ADAMTS2: variants seen among roughly 807,000 people sequenced by gnomAD.
The protein encoded by ADAMTS2 is ADAM metallopeptidase with thrombospondin type 1 motif 2, also known as A disintegrin and metalloproteinase with thrombospondin motifs 2.
A neutral mutation model predicts 123.0 loss-of-function variants in ADAMTS2; 50 were observed. That is an observed-to-expected ratio of 0.41 (90% CI 0.32 to 0.51). The LOEUF (loss-of-function observed/expected upper bound fraction) is 0.51. Ranked by LOEUF, ADAMTS2 falls within the 20% of genes least tolerant of loss-of-function variation. The pLI is 0.35. For missense variants in ADAMTS2, 1,494 were observed against 1,705.2 expected, an observed-to-expected ratio of 0.88 and a Z score of 2.18; for synonymous variants, 678 against 695.4, an observed-to-expected ratio of 0.98 and a Z score of 0.39.
Position 179,132,400 on chromosome 5 carries a change from G to A in ADAMTS2, c.2210-90C>T. ...GCAAGGAGGGGCCTCGCTCTTGAAG[G>A]CAGCTCCTCCGGAGGCTCTCCCAGG... is the stretch of plus-strand genomic sequence containing the variant. On this transcript the variant is annotated intron_variant, in intron 14 of 21. Coordinates refer to ENST00000251582, the MANE Select transcript of ADAMTS2 (RefSeq NM_014244.5). The surrounding 1 kb of genome is among the most constrained non-coding windows in gnomAD (Gnocchi z 6.1). 1 of 1,298,068 alleles carries A rather than the reference G, an allele frequency of 7.7e-7. No homozygotes were observed. Among genetic ancestry groups the A allele is most frequent in the Non-Finnish European group, 1.1e-6 (1 of 911,148 alleles). 80.4% of individuals were successfully genotyped at this position (1,298,068 alleles called of 1,614,324 possible). A position where few individuals can be genotyped will look rare whatever the true frequency, so the allele number is the denominator to read the frequency against.
rs1756709341 is a variant in ADAMTS2, at chr5:179,307,371, A to G, written c.535-34307T>C. Among the ~76,000 whole-genome samples, 9 of 152,224 alleles carry G rather than the reference A, an allele frequency of 5.9e-5. No homozygotes were observed. The highest frequency in any genetic ancestry group is 3.9e-4 in the Admixed American group (6 of 15,298). On this transcript the variant is annotated intron_variant, in intron 2 of 21. Transcript: ENST00000251582. This position sits in a 1 kb window ranked among gnomAD's most constrained non-coding sequence, Gnocchi z 5.6. The stretch of plus-strand genomic sequence containing the variant: ...CTGGGTGGCCACTGCTCAGCACTCC[A>G]GGACAGCTCCATGACACAGAAGCAG...
chr5:179,210,522 T>C (rs1411137457), intron 3 of ADAMTS2, among the ~76,000 whole-genome samples: 2 of 152,370 alleles, frequency 1.3e-5, no homozygotes, highest in Admixed American at 1.3e-4. Context: ...AATTATGTTC[T>C]AGAGCATCCC....
intron 3 of ADAMTS2, among the ~76,000 whole-genome samples, chr5:179,253,656 AAAG>A (rs1765978954): frequency 6.6e-6 from 1 of 151,490 alleles, no homozygotes; most frequent in African/African-American, 2.4e-5. Context: ...AAAAAAAAAA[AAAG>A]GCATCCCTTT....
chr5:179,326,965 A>G (rs1335188574), intron 2 of ADAMTS2, among the ~76,000 whole-genome samples: 2 of 152,180 alleles, frequency 1.3e-5, no homozygotes, highest in Non-Finnish European at 1.5e-5. Context: ...AGGTGCCTAC[A>G]CAGGGAGTGA....
At chr5:179,138,135 C>A (rs1763098778) in intron 11 of ADAMTS2, among the ~76,000 whole-genome samples, 191 bp from the exon 12 acceptor site, 1 of 152,210 alleles carries the variant, frequency 6.6e-6, no homozygotes, top group Non-Finnish European at 1.5e-5. Flanking sequence ...CCTGTCAGGC[C>A]TCAGAGTGAA....
In ADAMTS2 at chr5:179,132,959, A is replaced by G; in HGVS notation, c.2086-59T>C. On this transcript the variant is annotated intron_variant, in intron 13 of 21. Transcript: ENST00000251582. The surrounding 1 kb of genome is among the most constrained non-coding windows in gnomAD (Gnocchi z 6.1). ...GTCCTGCTAGTAGAGTCAGGGTCAT[A>G]CTATGTTGCCCCCAGTCTCGAACAC... 2 of 1,588,834 alleles carry G rather than the reference A, an allele frequency of 1.3e-6. No homozygotes were observed. The highest frequency in any genetic ancestry group is 1.7e-6 in the Non-Finnish European group (2 of 1,168,534).
At position 179,132,319 on chromosome 5, in the gene ADAMTS2, G is replaced by A. The variant is rs199874212; in HGVS notation, c.2210-9C>T. 6.2e-7 allele frequency: 1 copy of A among 1,613,514 alleles called. No individual in the cohort carries two copies. The highest frequency in any genetic ancestry group is 2.2e-5 in the East Asian group (1 of 44,870). Reference sequence around the variant, plus strand: ...AAACATCTTGATGTAACCTTTTTTTGATGTGGAAAGACACAGAAAACTGAG... The same window carrying A: ...AAACATCTTGATGTAACCTTTTTTTAATGTGGAAAGACACAGAAAACTGAG... On this transcript the variant is annotated splice_polypyrimidine_tract_variant and intron_variant, in intron 14 of 21. Coordinates refer to ENST00000251582, the MANE Select transcript of ADAMTS2 (RefSeq NM_014244.5). This position sits in a 1 kb window ranked among gnomAD's most constrained non-coding sequence, Gnocchi z 6.1.
intron 2 of ADAMTS2, among the ~76,000 whole-genome samples, chr5:179,336,103 T>TC (rs1289964861): frequency 2.1e-4 from 32 of 152,252 alleles, no homozygotes; most frequent in African/African-American, 7.2e-4. Flanking sequence ...TGAAGGCTGG[T>TC]CCCCCCAACA....
intron 2 of ADAMTS2, among the ~76,000 whole-genome samples, chr5:179,318,183 C>T (rs73808258): frequency 0.017 from 2,536 of 152,348 alleles, 58 homozygotes; most frequent in African/African-American, 0.058. Context: ...AGCTGAGACA[C>T]TCCCAGCAGA....
intron 5 of ADAMTS2, among the ~76,000 whole-genome samples, chr5:179,165,597 A>G (rs1228044949): frequency 6.6e-6 from 1 of 152,116 alleles, no homozygotes; most frequent in Non-Finnish European, 1.5e-5. Flanking sequence ...GGGACTTTAC[A>G]GGGCAGCCAG....
rs114436397 is a variant in ADAMTS2, at chr5:179,215,776, G to A, written c.689-8061C>T. Among the ~76,000 whole-genome samples, 354 of 152,244 alleles carry A rather than the reference G, an allele frequency of 2.3e-3. 2 individuals are homozygous for A. The highest frequency in any genetic ancestry group is 8.2e-3 in the African/African-American group (339 of 41,540). On this transcript the variant is annotated intron_variant, in intron 3 of 21. Coordinates refer to ENST00000251582, the MANE Select transcript of ADAMTS2 (RefSeq NM_014244.5). ...ACAAAGTCTCCCGGAGAATAAGAAG[G>A]GGGAAAATCAGGTTACAGGAGAGGT...
intron 3 of ADAMTS2, among the ~76,000 whole-genome samples, chr5:179,255,474 C>T (rs1766025454): frequency 6.6e-6 from 1 of 152,180 alleles, no homozygotes; most frequent in African/African-American, 2.4e-5. Flanking sequence ...AGGGCTAGGG[C>T]TGCCGATGTG....
rs75765350 is a variant in ADAMTS2, at chr5:179,326,140, G to A, written c.534+17627C>T. On this transcript the variant is annotated intron_variant, in intron 2 of 21. Coordinates refer to ENST00000251582, the MANE Select transcript of ADAMTS2 (RefSeq NM_014244.5). ...CCATTCCAGACTGGAAATCTTTTCC[G>A]CATCTTGACTAATTGTTTTCAGGTG... 2.4e-3 allele frequency among the ~76,000 whole-genome samples: 363 copies of A among 152,190 alleles called. 1 individual carries two copies. Among genetic ancestry groups the A allele is most frequent in the African/African-American group, 7.9e-3 (329 of 41,520 alleles).
At position 179,225,598 on chromosome 5, in the gene ADAMTS2, G is replaced by A. The variant is rs184806417; in HGVS notation, c.689-17883C>T. The stretch of plus-strand genomic sequence containing the variant: ...GGGAGGAACACACAGGCGGCTGGAC[G>A]TCGAGAGGAACGCACCAACGAGCAC... On this transcript the variant is annotated intron_variant, in intron 3 of 21. Transcript: ENST00000251582. The surrounding 1 kb of genome is among the most constrained non-coding windows in gnomAD (Gnocchi z 4.5). Among the ~76,000 whole-genome samples, 13 of 152,288 alleles carry A rather than the reference G, an allele frequency of 8.5e-5. No homozygotes were observed. The South Asian group carries it at 1.5e-3, about 17-fold the overall frequency.
intron 21 of ADAMTS2, among the ~76,000 whole-genome samples, chr5:179,116,800 G>A (rs547047252): frequency 1.1e-4 from 16 of 152,252 alleles, no homozygotes; most frequent in African/African-American, 2.2e-4. Flanking sequence ...GAGCTTCTAC[G>A]TGGCCAAAAT....
In ADAMTS2 at chr5:179,259,280, C is replaced by G. The variant is rs1766150673; in HGVS notation, c.688+13631G>C. On this transcript the variant is annotated intron_variant, in intron 3 of 21. Coordinates refer to ENST00000251582, the MANE Select transcript of ADAMTS2 (RefSeq NM_014244.5). ...ACACTCCAGGCCTCAGCCCAACGTC[C>G]AGTGACTGCGGGCTCACTCTGTGGC... 2.0e-5 allele frequency among the ~76,000 whole-genome samples: 3 copies of G among 152,228 alleles called. No individual in the cohort carries two copies. The South Asian group carries it at 6.2e-4, about 32-fold the overall frequency.
chr5:179,158,732 C>G lies in ADAMTS2; in HGVS notation c.1123G>C (p.Gly375Arg). ...FLTRQDFGPS[G>R]MQGYAPVTGM... ...CATGGGTGAGGCTCACCTTGCATGC[C>G]GGAAGGCCCAAAGTCCTGCCGTGTG... Residue 375 changes from glycine (G) to arginine (R), a missense_variant, in exon 6 of 22, where the codon GGC becomes CGC. Transcript: ENST00000251582. This position sits in a 1 kb window ranked among gnomAD's most constrained non-coding sequence, Gnocchi z 5.0. 6.2e-7 allele frequency: 1 copy of G among 1,614,160 alleles called. No individual in the cohort carries two copies. The highest frequency in any genetic ancestry group is 8.5e-7 in the Non-Finnish European group (1 of 1,180,046).
chr5:179,310,121 C>A (rs964737522), intron 2 of ADAMTS2, among the ~76,000 whole-genome samples: 4 of 152,228 alleles, frequency 2.6e-5, no homozygotes, highest in African/African-American at 9.6e-5. Flanking sequence ...GGAGAGACCA[C>A]CCCGGACTAC....
At chr5:179,124,112 G>A (rs927403620) in intron 19 of ADAMTS2, among the ~76,000 whole-genome samples, 4 of 152,256 alleles carry the variant, frequency 2.6e-5, no homozygotes, top group Non-Finnish European at 5.9e-5. Context: ...TCTTTTTCCC[G>A]ATTCTACTCT....
Sources: gnomAD v4.1 joint callset for allele counts (sites outside exome capture counted in the v4.1 genomes callset) on GRCh38, gnomAD v4.1.1 for gene constraint, Gnocchi (gnomAD v3.1) non-coding constraint, MANE v1.5 for transcripts, NCBI Gene and HGNC (gene_info 2026-07-23, HGNC 2026-07-21) for gene names.